EPG5: variants seen among roughly 807,000 people sequenced by gnomAD.
EPG5 encodes the protein ectopic P granules protein 5 homolog.
A neutral mutation model predicts 302.7 loss-of-function variants in EPG5; 159 were observed. That is an observed-to-expected ratio of 0.53 (90% confidence interval 0.46 to 0.60). The LOEUF is 0.60. Among genes scored for constraint, EPG5 ranks in the 20% least tolerant of loss-of-function variants. The pLI is 0.00. For synonymous variants in EPG5, 1,158 were observed against 1,136.8 expected (o/e 1.02, Z -0.37); for missense variants, 2,896 against 3,092.4 (o/e 0.94, Z 1.51).
At chr18:45,840,213 C>A in the EPG5 span, 4 of 1,613,126 alleles carry the variant, frequency 2.5e-6, no homozygotes, top group African/African-American at 1.3e-5. Flanking sequence ...TCCCACAGAG[C>A]ATCTGGACAC....
rs529869424 is a variant in EPG5 at position 45,860,461 on chromosome 18, A to G, written c.6767-115T>C. 2.0e-5 allele frequency: 27 copies of G among 1,317,524 alleles called. No homozygotes were observed. The East Asian group carries it at 3.5e-4, about 17-fold the overall frequency. 81.6% of individuals were successfully genotyped at this position (1,317,524 alleles called of 1,614,324 possible). ...TTCTCCAGGCAGATTTTACAGTGCT[A>G]GTAGCTGACTGCAAGGGACTGGAAG... On this transcript the variant is annotated intron_variant, in intron 39 of 43. Transcript: ENST00000282041.
intron 34 of EPG5, among the ~76,000 whole-genome samples, chr18:45,876,652 A>C (rs1251085055): frequency 1.3e-5 from 2 of 152,060 alleles, no homozygotes; most frequent in Non-Finnish European, 2.9e-5. Flanking sequence ...TCTTGGTTAC[A>C]TTTCAAATGC....
At chr18:45,908,335 T>C (rs573957234) in intron 23 of EPG5, among the ~76,000 whole-genome samples, 1 of 152,258 alleles carries the variant, frequency 6.6e-6, no homozygotes, top group South Asian at 2.1e-4. Flanking sequence ...CAACAATTCT[T>C]AAAGTAGATT....
rs1599606575 is a variant in EPG5 at position 45,935,293 on chromosome 18, A to G, written c.2100-327T>C. On this transcript the variant is annotated intron_variant, in intron 10 of 43. Coordinates refer to ENST00000282041, the MANE Select transcript of EPG5 (RefSeq NM_020964.3). ...CGTGGTGGCTCACGCCTGTAATCCC[A>G]ACACTTTAGGAGGCCGAGGCAGGTG... 7.2e-5 allele frequency among the ~76,000 whole-genome samples: 11 copies of G among 152,332 alleles called. No homozygotes were observed. The South Asian group carries it at 2.3e-3, about 32-fold the overall frequency.
At chr18:45,807,979 T>C in the EPG5 span, among the ~76,000 whole-genome samples, 6 of 151,712 alleles carry the variant, frequency 4.0e-5, no homozygotes, top group African/African-American at 7.3e-5. Flanking sequence ...ATCAAAAAAA[T>C]GATACAAGAA....
At chr18:45,842,006 C>T in the EPG5 span, 3 of 1,104,366 alleles carry the variant, frequency 2.7e-6, no homozygotes, top group South Asian at 3.8e-5. Flanking sequence ...CACTGCTCCC[C>T]AGAATGTCTC....
chr18:45,956,712 G>A (rs919117382), intron 1 of EPG5, among the ~76,000 whole-genome samples: 6 of 152,002 alleles, frequency 3.9e-5, no homozygotes, highest in Non-Finnish European at 5.9e-5. Context: ...GGATTAACAG[G>A]CGTGAGCCAC....
the EPG5 span, chr18:45,841,956 T>A: frequency 1.4e-6 from 1 of 726,706 alleles, no homozygotes; most frequent in Non-Finnish European, 2.4e-6. Context: ...CTGCCCAGCC[T>A]CCGATGCCAT....
At position 45,852,624 on chromosome 18, in the gene EPG5, G is replaced by A; in HGVS notation, c.7583C>T (p.Ala2528Val). The A allele has an allele frequency of 4.3e-6, 7 of 1,614,046 alleles. No individual in the cohort carries two copies. Among genetic ancestry groups the A allele is most frequent in the Non-Finnish European group, 5.9e-6 (7 of 1,179,974 alleles). ...QQALNALESM[A>V]SSKQYVEYQD... Reference sequence around the variant, plus strand: ...GTATTCAACATACTGCTTACTTGATGCCATGGATTCAAGAGCATTCAGAGC... The same window carrying A: ...GTATTCAACATACTGCTTACTTGATACCATGGATTCAAGAGCATTCAGAGC... Residue 2528 changes from alanine to valine, a missense_variant, in exon 44 of 44, where the codon GCA becomes GTA. Physicochemically the swap from Ala to Val is moderately conservative, Grantham distance 64. This residue lies in a region of EPG5 where 620 missense variants were observed against 704.2 expected (regional missense o/e 0.88). Transcript: ENST00000282041.
chr18:45,907,706 T>C (rs2049788481), intron 24 of EPG5, among the ~76,000 whole-genome samples: 1 of 152,044 alleles, frequency 6.6e-6, no homozygotes, highest in Non-Finnish European at 1.5e-5. Flanking sequence ...GAAGGTTATG[T>C]TTATGAGGTC....
At position 45,882,257 on chromosome 18, in the gene EPG5, T is replaced by C. The variant is rs2049113163; in HGVS notation, c.5518+17A>G. 1.3e-6 allele frequency: 2 copies of C among 1,587,836 alleles called. No homozygotes were observed. The highest frequency in any genetic ancestry group is 1.3e-5 in the African/African-American group (1 of 74,286). On this transcript the variant is annotated intron_variant, in intron 31 of 43. Coordinates refer to ENST00000282041, the MANE Select transcript of EPG5 (RefSeq NM_020964.3). Reference sequence around the variant, plus strand: ...TCACTAAGATCTAGTTAGTTACAATTAAATGAAGACACTTACTTTGCATAA... The same window carrying C: ...TCACTAAGATCTAGTTAGTTACAATCAAATGAAGACACTTACTTTGCATAA...
chr18:45,826,093 A>G, the EPG5 span, among the ~76,000 whole-genome samples: 1 of 152,162 alleles, frequency 6.6e-6, no homozygotes, highest in Non-Finnish European at 1.5e-5. Flanking sequence ...CAGAGAGGAC[A>G]TCACAGGCTC....
At chr18:45,861,329 C>T (rs1465086972) in intron 39 of EPG5, among the ~76,000 whole-genome samples, 1 of 152,190 alleles carries the variant, frequency 6.6e-6, no homozygotes, top group Non-Finnish European at 1.5e-5. Context: ...AATAAAGGCT[C>T]ATCTCTGAAT....
rs757184817 is a variant in EPG5, at chr18:45,900,960, C to T, written c.4646+36G>A. ...TTATCCAGGCTGTCAAAGCCACCAA[C>T]ATGGGAACATGATCCGTGAGGCTGC... On this transcript the variant is annotated intron_variant, in intron 26 of 43. Transcript: ENST00000282041. The T allele has an allele frequency of 3.8e-6, 6 of 1,577,530 alleles. No homozygotes were observed. The Admixed American group carries it at 1.1e-4, about 28-fold the overall frequency.
intron 25 of EPG5, among the ~76,000 whole-genome samples, chr18:45,902,409 A>T (rs1282402993): frequency 6.6e-6 from 1 of 152,376 alleles, no homozygotes; most frequent in Middle Eastern, 3.4e-3. Context: ...ATAAGAGGCC[A>T]TGATGCTAAA....
intron 24 of EPG5, chr18:45,907,728 T>C (rs566878702): frequency 1.7e-4 from 67 of 389,452 alleles, no homozygotes; most frequent in Admixed American, 3.3e-4. Context: ...TAAAAAGCCC[T>C]AGAACAAGCT....
intron 27 of EPG5, 82 bp downstream of exon 27, chr18:45,899,322 T>A: frequency 6.6e-7 from 1 of 1,504,656 alleles, no homozygotes; most frequent in Non-Finnish European, 9.2e-7. Flanking sequence ...GCTATATATG[T>A]CTTTCAATCT....
In EPG5 at chr18:45,946,678, G is replaced by A. The variant is rs1286762760; in HGVS notation, c.1662C>T (p.Asp554=). 1.2e-5 allele frequency: 19 copies of A among 1,613,554 alleles called. No individual in the cohort carries two copies. Among genetic ancestry groups the A allele is most frequent in the East Asian group, 6.7e-5 (3 of 44,886 alleles). ...GPGSGTWTLV[D]EGGEEDEDPE... ...GACAAGTTACCTCTTCTCCTCCTTC[G>A]TCTACTAGCGTCCAAGTCCCAGACC... The change falls in exon 7 of 44, where the codon GAC becomes GAT. Residue 554 remains aspartate (D), a synonymous_variant. Transcript: ENST00000282041.
intron 4 of EPG5, among the ~76,000 whole-genome samples, chr18:45,950,169 C>A (rs997789982): frequency 6.6e-6 from 1 of 152,186 alleles, no homozygotes; most frequent in Non-Finnish European, 1.5e-5. Context: ...GATACTTTAT[C>A]TAAAATGCAC....
Sources: gnomAD v4.1 joint callset for allele counts (sites outside exome capture counted in the v4.1 genomes callset) on GRCh38, gnomAD v4.1.1 for gene constraint, gnomAD v4.1.1 regional missense constraint, MANE v1.5 for transcripts, NCBI Gene and HGNC (gene_info 2026-07-23, HGNC 2026-07-21) for gene names.